LRRTM4: variants seen among roughly 807,000 people sequenced by gnomAD.
The protein encoded by LRRTM4 is leucine-rich repeat transmembrane neuronal protein 4.
LRRTM4 carries 25 observed loss-of-function variants against 47.6 expected under a neutral mutation model. The ratio of observed to expected loss-of-function variants is 0.53; its 90% confidence interval spans 0.38 to 0.73. The LOEUF (loss-of-function observed/expected upper bound fraction) is 0.73. LRRTM4 is among the 30% of genes least tolerant of loss of function. The pLI, the probability that LRRTM4 is intolerant of heterozygous loss-of-function variation, is 0.00. For synonymous variants in LRRTM4, 311 were observed against 269.5 expected (o/e 1.15, Z -1.51); for missense variants, 638 against 713.4 (o/e 0.89, Z 1.20).
intron 3 of LRRTM4, among the ~76,000 whole-genome samples, chr2:77,319,968 T>C (rs192583128): frequency 6.6e-6 from 1 of 152,326 alleles, no homozygotes; most frequent in East Asian, 1.9e-4. Flanking sequence ...ACTACTTTTT[T>C]ATTAACTTTC....
intron 3 of LRRTM4, among the ~76,000 whole-genome samples, chr2:77,427,978 C>A (rs1401519673): frequency 1.3e-5 from 2 of 152,138 alleles, no homozygotes; most frequent in East Asian, 3.9e-4. Flanking sequence ...GGGAGGGACC[C>A]AGTGGGAAGT....
At chr2:77,172,894 T>C (rs1673095116) in intron 3 of LRRTM4, among the ~76,000 whole-genome samples, 1 of 152,218 alleles carries the variant, frequency 6.6e-6, no homozygotes, top group Non-Finnish European at 1.5e-5. Context: ...TATTTCCATG[T>C]CATGCTACAT....
intron 3 of LRRTM4, among the ~76,000 whole-genome samples, chr2:77,294,248 CT>C (rs201662960): frequency 1.3e-5 from 2 of 151,416 alleles, no homozygotes; most frequent in African/African-American, 4.9e-5. Context: ...TCAATAGTGA[CT>C]TTTTTTGGAA....
intron 3 of LRRTM4, chr2:77,517,351 C>T (rs1196885061): frequency 2.0e-6 from 2 of 983,064 alleles, no homozygotes; most frequent in African/African-American, 1.7e-5. Flanking sequence ...AACCTCTCTC[C>T]TTTTATTTAT....
chr2:77,217,426 A>C (rs1674482654), intron 3 of LRRTM4, among the ~76,000 whole-genome samples: 1 of 70,184 alleles, frequency 1.4e-5, no homozygotes, highest in Non-Finnish European at 2.7e-5. Flanking sequence ...GATTTGGGCT[A>C]TATCTCCAAA....
intron 3 of LRRTM4, among the ~76,000 whole-genome samples, chr2:76,999,915 T>C (rs192667911): frequency 4.3e-4 from 66 of 152,242 alleles, no homozygotes; most frequent in Middle Eastern, 6.8e-3. Context: ...GTTGCTACAG[T>C]TTAAAAGTGC....
At chr2:77,336,231 A>G (rs1671162934) in intron 3 of LRRTM4, among the ~76,000 whole-genome samples, 1 of 149,734 alleles carries the variant, frequency 6.7e-6, no homozygotes, top group Admixed American at 6.7e-5. Context: ...AAGGAAAGAA[A>G]GGAAGGAAGG....
chr2:77,130,038 A>G (rs1221384575), intron 3 of LRRTM4, among the ~76,000 whole-genome samples: 1 of 152,172 alleles, frequency 6.6e-6, no homozygotes, highest in East Asian at 1.9e-4. Flanking sequence ...CTTGTGACAT[A>G]CTAGGCTTAA....
chr2:77,387,923 A>C (rs1398986471), intron 3 of LRRTM4, among the ~76,000 whole-genome samples: 2 of 152,170 alleles, frequency 1.3e-5, no homozygotes, highest in Non-Finnish European at 2.9e-5. Context: ...TAGTAAAAAA[A>C]AAATTGATCA....
At chr2:76,991,577 T>C (rs577160879) in intron 3 of LRRTM4, among the ~76,000 whole-genome samples, 3 of 151,762 alleles carry the variant, frequency 2.0e-5, no homozygotes, top group African/African-American at 4.8e-5. Flanking sequence ...CTTTCAAAGA[T>C]TGATACAGGA....
At chr2:76,882,602 G>T (rs1328366779) in intron 3 of LRRTM4, among the ~76,000 whole-genome samples, 2 of 152,036 alleles carry the variant, frequency 1.3e-5, no homozygotes, top group Non-Finnish European at 2.9e-5. Flanking sequence ...TACTTGGGAC[G>T]CTGAGGTGGG....
At chr2:77,494,279 A>T (rs1307119279) in intron 3 of LRRTM4, among the ~76,000 whole-genome samples, 2 of 152,166 alleles carry the variant, frequency 1.3e-5, no homozygotes, top group Non-Finnish European at 2.9e-5. Context: ...ATGAAAAGAC[A>T]CAGTGCTATT....
intron 3 of LRRTM4, among the ~76,000 whole-genome samples, chr2:76,916,413 G>GA (rs1329508976): frequency 8.1e-6 from 1 of 124,074 alleles, no homozygotes; most frequent in African/African-American, 3.1e-5. Context: ...AAAAAGAAAA[G>GA]AAAAAAAATA....
At chr2:77,192,021 C>A (rs965158504) in intron 3 of LRRTM4, among the ~76,000 whole-genome samples, 1 of 151,926 alleles carries the variant, frequency 6.6e-6, no homozygotes, top group East Asian at 1.9e-4. Flanking sequence ...TACCTCCCAC[C>A]CACAATAGAT....
chr2:76,847,868 C>T (rs1345865163), intron 3 of LRRTM4, among the ~76,000 whole-genome samples: 1 of 152,066 alleles, frequency 6.6e-6, no homozygotes, highest in Admixed American at 6.6e-5. Context: ...CATGCTAAAT[C>T]TTCTTCCTTG....
intron 3 of LRRTM4, among the ~76,000 whole-genome samples, chr2:77,127,559 T>A (rs778852504): frequency 6.6e-6 from 1 of 152,146 alleles, no homozygotes. Context: ...ACATTTGAGA[T>A]TAGAAATGAC....
chr2:77,097,711 G>A (rs988292368), intron 3 of LRRTM4, among the ~76,000 whole-genome samples: 1 of 151,960 alleles, frequency 6.6e-6, no homozygotes, highest in African/African-American at 2.4e-5. Context: ...GTTAAAATCT[G>A]ATGTTCATTG....
rs930045691 is a variant in LRRTM4 at position 77,298,460 on chromosome 2, T to A, written c.1551+219858A>T. On this transcript the variant is annotated intron_variant, in intron 3 of 3. Transcript: ENST00000409884. ...CACCGTGTTAGCCAGGATGGTCTCGTTCTCCTGACCTCATGATCCGCCCGC... is the reference window on the plus strand; with the variant it reads ...CACCGTGTTAGCCAGGATGGTCTCGATCTCCTGACCTCATGATCCGCCCGC... 3.8e-4 allele frequency among the ~76,000 whole-genome samples: 58 copies of A among 152,070 alleles called. 1 individual carries two copies. The highest frequency in any genetic ancestry group is 5.9e-4 in the Non-Finnish European group (40 of 68,018).
intron 3 of LRRTM4, among the ~76,000 whole-genome samples, chr2:77,268,342 ATTC>A (rs984153557): frequency 6.6e-5 from 10 of 152,088 alleles, no homozygotes; most frequent in Admixed American, 6.6e-4. Flanking sequence ...AGAAGACAGT[ATTC>A]TTAGTCATTT....
Sources: allele counts gnomAD v4.1 joint callset (sites outside exome capture counted in the v4.1 genomes callset), GRCh38; gene constraint gnomAD v4.1.1; transcripts MANE v1.5; gene names NCBI Gene and HGNC (gene_info 2026-07-23, HGNC 2026-07-21).